MSMO1: variants seen among roughly 807,000 people sequenced by gnomAD.
MSMO1 encodes C-4 methylsterol oxidase.
MSMO1 carries 18 observed loss-of-function variants against 30.4 expected under a neutral mutation model. The ratio of observed to expected loss-of-function variants is 0.59; its 90% CI spans 0.41 to 0.88. The LOEUF is 0.88. MSMO1 is among the 40% of genes least tolerant of loss of function. The probability of loss-of-function intolerance (pLI) is 0.00; values close to 1 mark genes in which losing one functional copy is unlikely to be tolerated. For synonymous variants in MSMO1, 84 were observed against 107.9 expected (o/e 0.78, Z 1.37); for missense variants, 284 against 340.5 (o/e 0.83, Z 1.31).
At chr4:165,331,968 GC>G (rs1274725855) in intron 1 of MSMO1, among the ~76,000 whole-genome samples, 10 of 149,466 alleles carry the variant, frequency 6.7e-5, no homozygotes, top group African/African-American at 2.2e-4. Context: ...CTACCCCGTC[GC>G]CACTCTGTCT....
At position 165,342,838 on chromosome 4, in the gene MSMO1, T is replaced by G. The variant is rs1747753289; in HGVS notation, c.*892T>G. 1 of 152,326 alleles carries G rather than the reference T, an allele frequency of 6.6e-6. No homozygotes were observed. The highest frequency in any genetic ancestry group is 1.5e-5 in the Non-Finnish European group (1 of 68,048). The allele number at this position is 152,326 out of a possible 1,614,324, so 9.4% of individuals were successfully genotyped here. A position where few individuals can be genotyped will look rare whatever the true frequency, so the allele number is the denominator to read the frequency against. ...GATTCTCTCTTTGAAGAGTCCTTCTTGATTGCAGTGCAGTACTGGCATTTC... is the reference window on the plus strand; with the variant it reads ...GATTCTCTCTTTGAAGAGTCCTTCTGGATTGCAGTGCAGTACTGGCATTTC... On this transcript the variant is annotated 3_prime_UTR_variant, in exon 6 of 6. Transcript: ENST00000261507.
chr4:165,338,988 ATAT>A (rs779258387), intron 4 of MSMO1, among the ~76,000 whole-genome samples: 2 of 151,968 alleles, frequency 1.3e-5, no homozygotes, highest in Non-Finnish European at 2.9e-5. Flanking sequence ...TGAAAGAAAA[ATAT>A]TATATGAAAG....
chr4:165,331,086 T>A (rs976951042), intron 1 of MSMO1, among the ~76,000 whole-genome samples: 1 of 152,088 alleles, frequency 6.6e-6, no homozygotes, highest in African/African-American at 2.4e-5. Context: ...GGAGGATTAC[T>A]TGAGCCTAGG....
intron 4 of MSMO1, 80 bp downstream of exon 4, chr4:165,338,858 T>C: frequency 8.3e-7 from 1 of 1,201,532 alleles, no homozygotes; most frequent in South Asian, 1.4e-5. Context: ...TCTAAAATTG[T>C]TGGTGACGTT....
At chr4:165,335,250 G>T (rs1747507211) in intron 2 of MSMO1, among the ~76,000 whole-genome samples, 1 of 152,184 alleles carries the variant, frequency 6.6e-6, no homozygotes. Context: ...TAGTTTCACA[G>T]CCTCTCCCAG....
At position 165,329,625 on chromosome 4, in the gene MSMO1, A is replaced by ATTTTTTTTTTTTT. The variant is rs1171733863; in HGVS notation, c.-32+1876_-32+1888dup. Among the ~76,000 whole-genome samples the ATTTTTTTTTTTTT allele has an allele frequency of 1.1e-3, 77 of 68,004 alleles. 13 individuals are homozygous for ATTTTTTTTTTTTT. The highest frequency in any genetic ancestry group is 4.2e-3 in the African/African-American group (63 of 15,150). 44.6% of individuals were successfully genotyped at this position (68,004 alleles called of 152,430 possible). Reference sequence around the variant, plus strand: ...ATTTGGCAGCTGGAGATCCATAGCGATTTTTTTTTTTTTTTTTTTTTTTTT... The same window carrying ATTTTTTTTTTTTT: ...ATTTGGCAGCTGGAGATCCATAGCGATTTTTTTTTTTTTTTTTTTTTTTTTTTTTTTTTTTTTT... On this transcript the variant is annotated intron_variant, in intron 1 of 5. Transcript: ENST00000261507.
At chr4:165,330,018 TAAG>T (rs775835676) in intron 1 of MSMO1, among the ~76,000 whole-genome samples, 14 of 152,124 alleles carry the variant, frequency 9.2e-5, no homozygotes, top group Non-Finnish European at 1.6e-4. Context: ...AAACAGGAAA[TAAG>T]AAGATAAAGA....
At chr4:165,338,068 A>C (rs1406766597) in intron 3 of MSMO1, 131 bp downstream of exon 3, 6 of 810,370 alleles carry the variant, frequency 7.4e-6, no homozygotes, top group Non-Finnish European at 1.2e-5. Context: ...AATAGTAGAA[A>C]AGTAAACCAC....
intron 2 of MSMO1, among the ~76,000 whole-genome samples, chr4:165,336,454 G>C (rs934816): frequency 0.72 from 108,800 of 152,118 alleles, 39,081 homozygotes; most frequent in Admixed American, 0.76. Context: ...TATGTATACT[G>C]TAAATGGTAT....
At chr4:165,328,428 A>G (rs530269403) in intron 1 of MSMO1, among the ~76,000 whole-genome samples, 195 of 152,308 alleles carry the variant, frequency 1.3e-3, no homozygotes, top group African/African-American at 4.5e-3. Flanking sequence ...GAGTGTTTTA[A>G]GGAGGTTATC....
chr4:165,342,082 A>G lies in MSMO1; in HGVS notation c.*136A>G, dbSNP rs1747731032. On this transcript the variant is annotated 3_prime_UTR_variant, in exon 6 of 6. Coordinates refer to ENST00000261507, the MANE Select transcript of MSMO1 (RefSeq NM_006745.5). ...ATAAAAAGAACATTAACAACCTTTA[A>G]TTACCTTCCTAGTGGGAACTTTTTC... 1 of 731,962 alleles carries G rather than the reference A, an allele frequency of 1.4e-6. No homozygotes were observed. The highest frequency in any genetic ancestry group is 2.3e-6 in the Non-Finnish European group (1 of 439,282). The allele number at this position is 731,962 out of a possible 1,614,324, so 45.3% of individuals were successfully genotyped here.
At chr4:165,332,932 T>C (rs1156322660) in intron 1 of MSMO1, among the ~76,000 whole-genome samples, 1 of 152,214 alleles carries the variant, frequency 6.6e-6, no homozygotes, top group African/African-American at 2.4e-5. Flanking sequence ...TTAATTTTTA[T>C]ATACTCATAT....
rs1747603677 is a variant in MSMO1 at position 165,337,882 on chromosome 4, T to C, written c.349T>C (p.Tyr117His). 3 of 1,613,078 alleles carry C rather than the reference T, an allele frequency of 1.9e-6. No individual in the cohort carries two copies. Among genetic ancestry groups the C allele is most frequent in the Non-Finnish European group, 2.5e-6 (3 of 1,179,366 alleles). ...CCAGCTGCCTTTGATTTGTGGAACC[T>C]ATTATTTTACAGAGTATTTCAATAT... ...CIQLPLICGTYYFTEYFNIPY... is the reference protein window; with the variant it reads ...CIQLPLICGTHYFTEYFNIPY... The change falls in exon 3 of 6, where the codon TAT (tyrosine) becomes CAT (histidine). Residue 117 changes from tyrosine to histidine, a missense_variant. Transcript: ENST00000261507.
rs1310144853 is a variant in MSMO1 at position 165,340,366 on chromosome 4, A to C, written c.677A>C (p.Asp226Ala). The change falls in exon 5 of 6, where the codon GAT (aspartate) becomes GCT (alanine). Residue 226 changes from aspartate to alanine, a missense_variant. Physicochemically the swap from Asp to Ala is moderately radical, Grantham distance 126. Transcript: ENST00000261507. ...ACCATTCGTTTATTAGAAACTATTG[A>C]TGTCCATAGGTGAGTATTAATTTCT... ...WVTIRLLETI[D>A]VHSGYDIPLN... The C allele has an allele frequency of 6.2e-7, 1 of 1,612,942 alleles. No homozygotes were observed. Among genetic ancestry groups the C allele is most frequent in the East Asian group, 2.2e-5 (1 of 44,812 alleles).
At chr4:165,340,480 T>A in intron 5 of MSMO1, 105 bp downstream of exon 5, 1 of 953,406 alleles carries the variant, frequency 1.0e-6, no homozygotes, top group Non-Finnish European at 1.6e-6. Flanking sequence ...GAAGTTAATC[T>A]TCTTAATGTT....
Position 165,342,051 on chromosome 4 carries a change from T to G in MSMO1, c.*105T>G. 2.0e-6 allele frequency: 2 copies of G among 983,130 alleles called. No individual in the cohort carries two copies. Among genetic ancestry groups the G allele is most frequent in the Non-Finnish European group, 3.1e-6 (2 of 644,010 alleles). 60.9% of individuals were successfully genotyped at this position (983,130 alleles called of 1,614,324 possible). The stretch of plus-strand genomic sequence containing the variant: ...AGAAATAAGCATGTCTTCTGGCTAC[T>G]AAGTGATAAAAAGAACATTAACAAC... On this transcript the variant is annotated 3_prime_UTR_variant, in exon 6 of 6. Coordinates refer to ENST00000261507, the MANE Select transcript of MSMO1 (RefSeq NM_006745.5).
rs72701630 is a variant in MSMO1 at position 165,341,712 on chromosome 4, G to A, written c.687-39G>A. The A allele has an allele frequency of 0.06, 90,121 of 1,503,826 alleles. 2,977 individuals are homozygous for A. The highest frequency in any genetic ancestry group is 0.077 in the African/African-American group (5,589 of 72,632). The allele number at this position is 1,503,826 out of a possible 1,614,324, so 93.2% of individuals were successfully genotyped here. Reference sequence around the variant, plus strand: ...AATAAAAACAACAATCATTTGAGATGTATTTATTCCTTAATAATCTTTATC... The same window carrying A: ...AATAAAAACAACAATCATTTGAGATATATTTATTCCTTAATAATCTTTATC... On this transcript the variant is annotated intron_variant, in intron 5 of 5. Transcript: ENST00000261507.
intron 1 of MSMO1, among the ~76,000 whole-genome samples, chr4:165,330,088 T>G (rs1304936978): frequency 6.6e-6 from 1 of 152,224 alleles, no homozygotes; most frequent in Non-Finnish European, 1.5e-5. Context: ...TTATTCTCCT[T>G]GTACTCTAAT....
chr4:165,329,356 C>T (rs935658204), intron 1 of MSMO1, among the ~76,000 whole-genome samples: 3 of 151,980 alleles, frequency 2.0e-5, no homozygotes, highest in Non-Finnish European at 2.9e-5. Context: ...GTGTATTCCC[C>T]CCTTTATTGT....
Sources: gnomAD v4.1 joint callset for allele counts (sites outside exome capture counted in the v4.1 genomes callset) on GRCh38, gnomAD v4.1.1 for gene constraint, MANE v1.5 for transcripts, NCBI Gene and HGNC (gene_info 2026-07-23, HGNC 2026-07-21) for gene names.